ZNF385B: variants seen among roughly 807,000 people sequenced by gnomAD.
The protein encoded by ZNF385B is zinc finger protein 385B, also known as zinc finger protein 533.
Under a neutral mutation model 39.2 loss-of-function variants are expected in ZNF385B, and 23 were observed. That is an observed-to-expected ratio of 0.59 (90% CI 0.42 to 0.83). The LOEUF (loss-of-function observed/expected upper bound fraction) is 0.83, where lower values mean the gene tolerates loss of function less well. ZNF385B is among the 40% of genes least tolerant of loss of function. The probability of loss-of-function intolerance (pLI) is 0.00; values close to 1 mark genes in which losing one functional copy is unlikely to be tolerated. For missense variants in ZNF385B, 552 were observed against 598.9 expected, an observed-to-expected ratio of 0.92 and a Z score of 0.82; for synonymous variants, 205 against 222.6, an observed-to-expected ratio of 0.92 and a Z score of 0.70.
chr2:179,458,769 T>C (rs939822478), intron 6 of ZNF385B, among the ~76,000 whole-genome samples: 1 of 152,162 alleles, frequency 6.6e-6, no homozygotes, highest in South Asian at 2.1e-4. Flanking sequence ...CTTACCCTTG[T>C]TTACTGTGTT....
chr2:179,814,793 AC>A (rs1706960858), intron 1 of ZNF385B: 1 of 167,914 alleles, frequency 6.0e-6, no homozygotes, highest in African/African-American at 2.4e-5. Flanking sequence ...CTTCTGAGAT[AC>A]AATTTACTAC....
At chr2:179,567,591 T>TA (rs1293975489) in intron 3 of ZNF385B, among the ~76,000 whole-genome samples, 1 of 152,204 alleles carries the variant, frequency 6.6e-6, no homozygotes, top group Non-Finnish European at 1.5e-5. Flanking sequence ...TTTCATTCAC[T>TA]AATGTATCCT....
intron 1 of ZNF385B, among the ~76,000 whole-genome samples, chr2:179,838,736 C>T (rs1482494698): frequency 6.6e-6 from 1 of 152,122 alleles, no homozygotes; most frequent in African/African-American, 2.4e-5. Flanking sequence ...ATGATATCTC[C>T]AGTCTGTCAT....
intron 3 of ZNF385B, among the ~76,000 whole-genome samples, chr2:179,562,102 C>G (rs1320839973): frequency 6.6e-6 from 1 of 152,098 alleles, no homozygotes; most frequent in Admixed American, 6.6e-5. Flanking sequence ...GTTATTCCCA[C>G]ACAAACTCTG....
At chr2:179,694,294 T>G (rs1698557873) in intron 3 of ZNF385B, among the ~76,000 whole-genome samples, 1 of 151,794 alleles carries the variant, frequency 6.6e-6, no homozygotes, top group Non-Finnish European at 1.5e-5. Flanking sequence ...TCCTTAGAAC[T>G]GGTAGAGAGA....
At chr2:179,643,851 G>A (rs1692481120) in intron 3 of ZNF385B, among the ~76,000 whole-genome samples, 3 of 152,022 alleles carry the variant, frequency 2.0e-5, no homozygotes, top group African/African-American at 7.2e-5. Context: ...GTTCAAAAAA[G>A]TTCATTTTAT....
intron 3 of ZNF385B, among the ~76,000 whole-genome samples, chr2:179,758,038 C>T (rs1302016731): frequency 6.6e-6 from 1 of 152,154 alleles, no homozygotes; most frequent in Non-Finnish European, 1.5e-5. Flanking sequence ...AGAAATCACC[C>T]ATCTTCTGCA....
At chr2:179,767,640 C>A (rs1407787128) in intron 3 of ZNF385B, among the ~76,000 whole-genome samples, 2 of 152,104 alleles carry the variant, frequency 1.3e-5, no homozygotes, top group East Asian at 3.9e-4. Flanking sequence ...TGATGTCAGG[C>A]TTGAACCTCA....
chr2:179,736,337 A>AT (rs538205017), intron 3 of ZNF385B, among the ~76,000 whole-genome samples: 12 of 151,462 alleles, frequency 7.9e-5, no homozygotes, highest in Middle Eastern at 6.8e-3. Context: ...AATTTTGCAG[A>AT]TTTTTTTTTA....
chr2:179,587,930 T>C (rs1003484258), intron 3 of ZNF385B, among the ~76,000 whole-genome samples: 1 of 152,212 alleles, frequency 6.6e-6, no homozygotes, highest in Non-Finnish European at 1.5e-5. Flanking sequence ...TTAGGGTCTC[T>C]CAAAAGATAA....
rs1352259637 is a variant in ZNF385B at position 179,721,047 on chromosome 2, A to G, written c.298+48456T>C. Among the ~76,000 whole-genome samples, 3 of 151,646 alleles carry G rather than the reference A, an allele frequency of 2.0e-5. No homozygotes were observed. In the East Asian group the frequency reaches 5.8e-4, roughly 30 times the overall value. Reference sequence around the variant, plus strand: ...GCCTCCCAAAGCACTGGGACTACAGAAATGAGCCACTATGCCCAGCCCCTT... The same window carrying G: ...GCCTCCCAAAGCACTGGGACTACAGGAATGAGCCACTATGCCCAGCCCCTT... On this transcript the variant is annotated intron_variant, in intron 3 of 9. Coordinates refer to ENST00000410066, the MANE Select transcript of ZNF385B (RefSeq NM_152520.6).
At chr2:179,611,419 A>G (rs1345674537) in intron 3 of ZNF385B, among the ~76,000 whole-genome samples, 1 of 19,010 alleles carries the variant, frequency 5.3e-5, no homozygotes, top group African/African-American at 3.6e-4. Context: ...GATAATTTTT[A>G]TCATTGTCAT....
intron 3 of ZNF385B, among the ~76,000 whole-genome samples, chr2:179,592,465 A>C (rs1687646513): frequency 6.6e-6 from 1 of 152,170 alleles, no homozygotes; most frequent in South Asian, 2.1e-4. Context: ...ACACCTCACT[A>C]AAAAACTGAG....
chr2:179,641,866 C>T (rs1692295472), intron 3 of ZNF385B, among the ~76,000 whole-genome samples: 1 of 152,074 alleles, frequency 6.6e-6, no homozygotes, highest in South Asian at 2.1e-4. Context: ...TCCTGAGATG[C>T]TTTCGATGAA....
At chr2:179,518,665 A>G (rs199852967) in intron 4 of ZNF385B, 27 bp from the exon 5 acceptor site, 2 of 1,435,268 alleles carry the variant, frequency 1.4e-6, no homozygotes, top group East Asian at 2.4e-5. Context: ...AAAATAGTCA[A>G]TTTGTAACTT....
At chr2:179,617,028 T>G (rs1195575605) in intron 3 of ZNF385B, among the ~76,000 whole-genome samples, 1 of 152,200 alleles carries the variant, frequency 6.6e-6, no homozygotes, top group African/African-American at 2.4e-5. Flanking sequence ...CCCCTTTTAG[T>G]GTGGTGTCTG....
At chr2:179,611,537 C>T (rs1689289501) in intron 3 of ZNF385B, among the ~76,000 whole-genome samples, 1 of 152,202 alleles carries the variant, frequency 6.6e-6, no homozygotes, top group African/African-American at 2.4e-5. Flanking sequence ...GTTTTTGTAT[C>T]AGGGTAATAC....
At chr2:179,718,836 A>C (rs1700498749) in intron 3 of ZNF385B, among the ~76,000 whole-genome samples, 1 of 151,454 alleles carries the variant, frequency 6.6e-6, no homozygotes, top group African/African-American at 2.4e-5. Context: ...TATTAAAAAA[A>C]AAAAACCCAA....
At chr2:179,661,416 C>T (rs753423355) in intron 3 of ZNF385B, among the ~76,000 whole-genome samples, 11 of 152,206 alleles carry the variant, frequency 7.2e-5, no homozygotes, top group Non-Finnish European at 4.4e-5. Flanking sequence ...GGGTCTCCAG[C>T]TTGCAGACAG....
Sources: allele counts gnomAD v4.1 joint callset (sites outside exome capture counted in the v4.1 genomes callset), GRCh38; gene constraint gnomAD v4.1.1; transcripts MANE v1.5; gene names NCBI Gene and HGNC (gene_info 2026-07-23, HGNC 2026-07-21).